Variants in RHBDF2 observed in about 807,000 individuals in gnomAD.
The protein encoded by RHBDF2 is inactive rhomboid protein 2.
A neutral mutation model predicts 95.2 loss-of-function variants in RHBDF2; 38 were observed. That is an observed-to-expected ratio of 0.40 (90% CI 0.31 to 0.52). The LOEUF (loss-of-function observed/expected upper bound fraction) is 0.52, where lower values mean the gene tolerates loss of function less well. Among genes scored for constraint, RHBDF2 ranks in the 20% least tolerant of loss-of-function variants. RHBDF2 has a pLI of 0.56. For synonymous variants in RHBDF2, 442 were observed against 462.0 expected (o/e 0.96, Z 0.55); for missense variants, 863 against 1,137.7 (o/e 0.76, Z 3.47).
intron 4 of RHBDF2, 194 bp downstream of exon 4, chr17:76,479,539 G>A (rs781147201): frequency 1.9e-4 from 137 of 740,336 alleles, no homozygotes; most frequent in Non-Finnish European, 2.9e-4. Flanking sequence ...CCTCCACACC[G>A]TGATATTCCG....
intron 15 of RHBDF2, 84 bp downstream of exon 15, chr17:76,473,564 G>A (rs983668258): frequency 6.0e-5 from 72 of 1,199,396 alleles, no homozygotes; most frequent in Non-Finnish European, 7.3e-5. Context: ...TGTGGGTGGT[G>A]ACGGTGGAGG....
chr17:76,481,952 AACACACACACACACACACACACACAC>A (rs563875703), intron 2 of RHBDF2: 1 of 129,330 alleles, frequency 7.7e-6, no homozygotes, highest in Non-Finnish European at 1.5e-5. Context: ...TCTGTCTGAA[AACACACACACACACACACACACACAC>A]ACACACACAC....
rs77626078 is a variant in RHBDF2 at position 76,473,078 on chromosome 17, G to A, written c.1837C>T (p.Leu613=). 2.2e-3 allele frequency: 3,480 copies of A among 1,614,042 alleles called. 77 individuals are homozygous for A. In the African/African-American group the frequency reaches 0.04, roughly 19 times the overall value. The change falls in exon 17 of 19, where the codon CTG becomes TTG. Residue 613 remains leucine, a synonymous_variant. Transcript: ENST00000675367. ...ACCTCAGGGTTGAGGAAGGGCAGCA[G>A]CCCACACACCTTGTCCAAGCAGTGC... The part of the protein sequence containing the change: ...QVHCLDKVCG[L]LPFLNPEVPD...
rs927584669 is a variant in RHBDF2 at position 76,477,389 on chromosome 17, C to A, written c.802-91G>T. ...AATTCAAGGGCAGGACACAGCTGAA[C>A]AGACGGGCTCTTCACAATGAATTGG... On this transcript the variant is annotated intron_variant, in intron 7 of 18. Coordinates refer to ENST00000675367, the MANE Select transcript of RHBDF2 (RefSeq NM_001005498.4). 2.1e-6 allele frequency: 3 copies of A among 1,428,580 alleles called. No homozygotes were observed. In the African/African-American group the frequency reaches 4.3e-5, roughly 20 times the overall value. 88.5% of individuals were successfully genotyped at this position (1,428,580 alleles called of 1,614,324 possible).
chr17:76,482,543 G>A (rs959206701), intron 2 of RHBDF2, among the ~76,000 whole-genome samples: 4 of 152,218 alleles, frequency 2.6e-5, no homozygotes, highest in African/African-American at 9.6e-5. Context: ...GGAGGCCGAG[G>A]TAGGTGGATC....
intron 2 of RHBDF2, among the ~76,000 whole-genome samples, chr17:76,486,428 G>A (rs563660782): frequency 6.6e-6 from 1 of 152,256 alleles, no homozygotes; most frequent in East Asian, 1.9e-4. Flanking sequence ...CAAAATCACT[G>A]AAGGTTGGGA....
intron 1 of RHBDF2, among the ~76,000 whole-genome samples, chr17:76,490,635 G>A (rs1319283490): frequency 6.6e-6 from 1 of 152,010 alleles, no homozygotes; most frequent in Non-Finnish European, 1.5e-5. Context: ...AGTTAAGGTC[G>A]CCAAGCAGGT....
At position 76,493,876 on chromosome 17, in the gene RHBDF2, C is replaced by T. The variant is rs757404136; in HGVS notation, c.-219-5967G>A. Among the ~76,000 whole-genome samples, 9 of 152,264 alleles carry T rather than the reference C, an allele frequency of 5.9e-5. No individual in the cohort carries two copies. The East Asian group carries it at 7.7e-4, about 13-fold the overall frequency. On this transcript the variant is annotated intron_variant, in intron 1 of 18. Coordinates refer to ENST00000675367, the MANE Select transcript of RHBDF2 (RefSeq NM_001005498.4). ...CAGAGAGCTGTTTCTTTCTCCTCCTCGCCCCTCCAGGGCTTGCCTCGAACT... is the reference window on the plus strand; with the variant it reads ...CAGAGAGCTGTTTCTTTCTCCTCCTTGCCCCTCCAGGGCTTGCCTCGAACT...
chr17:76,494,991 G>A (rs1024372684), intron 1 of RHBDF2, among the ~76,000 whole-genome samples: 1 of 151,182 alleles, frequency 6.6e-6, no homozygotes, highest in Admixed American at 6.6e-5. Context: ...GCCCCTGGGG[G>A]CCAAAAGGCC....
chr17:76,474,158 A>C lies in RHBDF2; in HGVS notation c.1465-16T>G, dbSNP rs575729798. 384 of 1,546,032 alleles carry C rather than the reference A, an allele frequency of 2.5e-4. No individual in the cohort carries two copies. The highest frequency in any genetic ancestry group is 3.2e-4 in the Non-Finnish European group (367 of 1,144,678). On this transcript the variant is annotated splice_polypyrimidine_tract_variant and intron_variant, in intron 12 of 18. Transcript: ENST00000675367. Reference sequence around the variant, plus strand: ...CCAAAGTCTCCTGGAGGGCAGAAGAAGGCTGGTGGGTCATGTCGGGGCCAG... The same window carrying C: ...CCAAAGTCTCCTGGAGGGCAGAAGACGGCTGGTGGGTCATGTCGGGGCCAG...
At chr17:76,473,372 AC>A in intron 15 of RHBDF2, 45 bp from the exon 16 acceptor site, 1 of 1,519,530 alleles carries the variant, frequency 6.6e-7, no homozygotes, top group Non-Finnish European at 9.0e-7. Flanking sequence ...GCGCCGAATA[AC>A]CACTGCCCAC....
chr17:76,501,258 C>T (rs888352977), intron 1 of RHBDF2, 95 bp downstream of exon 1: 1 of 152,220 alleles, frequency 6.6e-6, no homozygotes, highest in Non-Finnish European at 1.5e-5. Flanking sequence ...CGCGCACCAC[C>T]GCTCCAGGGC....
At chr17:76,484,292 C>A (rs1254247535) in intron 2 of RHBDF2, among the ~76,000 whole-genome samples, 1 of 151,748 alleles carries the variant, frequency 6.6e-6, no homozygotes, top group Non-Finnish European at 1.5e-5. Flanking sequence ...AAAAATAAAC[C>A]CCCCCAGCTG....
intron 1 of RHBDF2, among the ~76,000 whole-genome samples, chr17:76,493,848 GCCCAGAGAGCTGTTTCTTTCTC>G (rs1426224544): frequency 6.6e-6 from 1 of 152,236 alleles, no homozygotes; most frequent in African/African-American, 2.4e-5. Flanking sequence ...GCGGGTCCTG[GCCCAGAGAGCTGTTTCTTTCTC>G]CTCCTCGCCC....
At position 76,478,926 on chromosome 17, in the gene RHBDF2, G is replaced by A. The variant is rs1279686202; in HGVS notation, c.552C>T (p.Thr184=). 3.7e-6 allele frequency: 6 copies of A among 1,606,404 alleles called. No individual in the cohort carries two copies. Among genetic ancestry groups the A allele is most frequent in the South Asian group, 2.2e-5 (2 of 89,720 alleles). The change falls in exon 6 of 19, where the codon ACC becomes ACT. Residue 184 remains threonine, a synonymous_variant. Coordinates refer to ENST00000675367, the MANE Select transcript of RHBDF2 (RefSeq NM_001005498.4). The part of the protein sequence containing the change: ...DRPHAPHPPL[T]PGVLSLTSFT... ...AGGAGGTGAGGGACAGGACTCCGGG[G>A]GTCAGCGGTGGGTGCGGGGCGTGGG... is the stretch of plus-strand genomic sequence containing the variant.
Position 76,473,338 on chromosome 17 carries a change from G to T in RHBDF2, c.1734-11C>A. 1 of 1,606,924 alleles carries T rather than the reference G, an allele frequency of 6.2e-7. No individual in the cohort carries two copies. The highest frequency in any genetic ancestry group is 2.2e-5 in the East Asian group (1 of 44,588). ...GTGGTGATCTCACAGCTAAGGGGGT[G>T]GTGAGGCAAGAGGGGACATCAGGGC... On this transcript the variant is annotated splice_polypyrimidine_tract_variant and intron_variant, in intron 15 of 18. Transcript: ENST00000675367.
At chr17:76,499,902 T>A (rs2074534908) in intron 1 of RHBDF2, among the ~76,000 whole-genome samples, 1 of 149,486 alleles carries the variant, frequency 6.7e-6, no homozygotes. Context: ...TGCAAGGGGG[T>A]CCTCTGTTCC....
intron 1 of RHBDF2, among the ~76,000 whole-genome samples, chr17:76,491,129 T>C (rs74683043): frequency 0.021 from 3,195 of 152,128 alleles, 96 homozygotes; most frequent in South Asian, 0.13. Flanking sequence ...GCTGGCTCCG[T>C]ACCCACAGCA....
At chr17:76,498,320 G>A (rs566496263) in intron 1 of RHBDF2, among the ~76,000 whole-genome samples, 14 of 152,256 alleles carry the variant, frequency 9.2e-5, no homozygotes, top group African/African-American at 3.4e-4. Flanking sequence ...TTCCACAGCC[G>A]GTGCAGATGC....
Sources: allele counts gnomAD v4.1 joint callset (sites outside exome capture counted in the v4.1 genomes callset), GRCh38; gene constraint gnomAD v4.1.1; transcripts MANE v1.5; gene names NCBI Gene and HGNC (gene_info 2026-07-23, HGNC 2026-07-21).